The following ZYG11B variants were observed in gnomAD, a reference collection of about 807,000 sequenced individuals.
The protein encoded by ZYG11B is protein zyg-11 homolog B.
ZYG11B carries 36 observed loss-of-function variants against 82.4 expected under a neutral mutation model. The ratio of observed to expected loss-of-function variants is 0.44; its 90% CI spans 0.33 to 0.58. The LOEUF (loss-of-function observed/expected upper bound fraction) is 0.58. Ranked by LOEUF, ZYG11B falls within the 20% of genes least tolerant of loss-of-function variation. The pLI, the probability that ZYG11B is intolerant of heterozygous loss-of-function variation, is 0.02. For synonymous variants in ZYG11B, 303 were observed against 312.8 expected, an observed-to-expected ratio of 0.97 and a Z score of 0.33; for missense variants, 552 against 895.6, an observed-to-expected ratio of 0.62 and a Z score of 4.90.
intron 8 of ZYG11B, among the ~76,000 whole-genome samples, chr1:52,799,121 G>C (rs1326234302): frequency 6.6e-6 from 1 of 151,646 alleles, no homozygotes; most frequent in African/African-American, 2.4e-5. Flanking sequence ...ACCCATAACA[G>C]TGCAATAGAA....
intron 3 of ZYG11B, chr1:52,772,581 G>C (rs943915365): frequency 1.3e-6 from 2 of 1,572,800 alleles, no homozygotes; most frequent in South Asian, 2.2e-5. Context: ...CAACCAAGTG[G>C]GGAAGCTGCG....
chr1:52,755,134 T>G (rs1342343356), intron 1 of ZYG11B, among the ~76,000 whole-genome samples: 1 of 151,762 alleles, frequency 6.6e-6, no homozygotes, highest in East Asian at 1.9e-4. Context: ...CTAATTTTTT[T>G]GTATTTTTAG....
chr1:52,778,858 G>A (rs560418958), intron 3 of ZYG11B, among the ~76,000 whole-genome samples: 16 of 152,220 alleles, frequency 1.1e-4, no homozygotes, highest in Admixed American at 2.6e-4. Context: ...GAAAAGGAGC[G>A]TGATAAATCT....
intron 1 of ZYG11B, 76 bp from the exon 2 acceptor site, chr1:52,756,382 T>C: frequency 7.2e-7 from 1 of 1,391,242 alleles, no homozygotes; most frequent in Non-Finnish European, 1.0e-6. Flanking sequence ...AGTAAATGAA[T>C]GTTTTGTTCT....
chr1:52,817,380 G>T (rs1285024752), intron 13 of ZYG11B, among the ~76,000 whole-genome samples: 1 of 152,036 alleles, frequency 6.6e-6, no homozygotes, highest in Non-Finnish European at 1.5e-5. Flanking sequence ...TTCTTTGAAA[G>T]CTACGATGTA....
rs113681942 is a variant in ZYG11B at position 52,763,109 on chromosome 1, C to T, written c.196+6486C>T. ...GTCAAAAATCAGTTGATCGTAGATA[C>T]GTGAATTAATTTCTAGGGTTTCTCT... On this transcript the variant is annotated intron_variant, in intron 2 of 13. Coordinates refer to ENST00000294353, the MANE Select transcript of ZYG11B (RefSeq NM_024646.3). Among the ~76,000 whole-genome samples, 814 of 151,960 alleles carry T rather than the reference C, an allele frequency of 5.4e-3. 6 individuals are homozygous for T. Among genetic ancestry groups the T allele is most frequent in the African/African-American group, 0.019 (774 of 41,444 alleles).
intron 1 of ZYG11B, among the ~76,000 whole-genome samples, chr1:52,733,049 T>C (rs932138199): frequency 2.0e-5 from 3 of 152,198 alleles, no homozygotes; most frequent in Admixed American, 6.5e-5. Flanking sequence ...GAAGCAATTG[T>C]ATACAAAGAC....
intron 4 of ZYG11B, among the ~76,000 whole-genome samples, chr1:52,782,720 G>A (rs1644866749): frequency 6.6e-6 from 1 of 152,056 alleles, no homozygotes; most frequent in Non-Finnish European, 1.5e-5. Context: ...TAGGACTACA[G>A]GCCCATGCAA....
intron 1 of ZYG11B, among the ~76,000 whole-genome samples, chr1:52,738,985 C>CTTTTTTTTTTTTTTTTT (rs10643364): frequency 9.4e-6 from 1 of 106,280 alleles, no homozygotes; most frequent in Non-Finnish European, 1.7e-5. Context: ...GCCCTGTAAC[C>CTTTTTTTTTTTTTTTTT]TTTTTTTTTT....
chr1:52,751,742 T>C (rs1337109571), intron 1 of ZYG11B, among the ~76,000 whole-genome samples: 1 of 152,174 alleles, frequency 6.6e-6, no homozygotes, highest in Non-Finnish European at 1.5e-5. Context: ...TGTATGCTAA[T>C]GAGTTGACTG....
At chr1:52,783,778 A>T (rs1213717298) in intron 4 of ZYG11B, among the ~76,000 whole-genome samples, 1 of 139,516 alleles carries the variant, frequency 7.2e-6, no homozygotes, top group African/African-American at 2.9e-5. Context: ...GTGTACTACC[A>T]TGCCCAGCTT....
At chr1:52,767,859 A>T (rs1368284557) in intron 2 of ZYG11B, among the ~76,000 whole-genome samples, 1 of 152,170 alleles carries the variant, frequency 6.6e-6, no homozygotes, top group Non-Finnish European at 1.5e-5. Context: ...ACAGCACCCC[A>T]GCAGGGAAGC....
In ZYG11B at chr1:52,771,051, T is replaced by C; in HGVS notation, c.228T>C (p.Phe76=). The C allele has an allele frequency of 6.2e-7, 1 of 1,613,342 alleles. No individual in the cohort carries two copies. Among genetic ancestry groups the C allele is most frequent in the Non-Finnish European group, 8.5e-7 (1 of 1,179,376 alleles). ...TGAATGATGGAACTGTGGGTATTTTTAGGGGCAACCAGATGCGCTTAAAGC... is the reference window on the plus strand; with the variant it reads ...TGAATGATGGAACTGTGGGTATTTTCAGGGGCAACCAGATGCGCTTAAAGC... ...GLLNDGTVGI[F]RGNQMRLKRA... The change falls in exon 3 of 14, where the codon TTT becomes TTC. Residue 76 remains phenylalanine, a synonymous_variant. Transcript: ENST00000294353. The surrounding 1 kb of genome is among the most constrained non-coding windows in gnomAD (Gnocchi z 5.4).
chr1:52,818,226 A>T (rs1273348919), intron 13 of ZYG11B, among the ~76,000 whole-genome samples: 4 of 152,060 alleles, frequency 2.6e-5, no homozygotes, highest in African/African-American at 9.7e-5. Flanking sequence ...TAATCCCAGC[A>T]TTTTCTGAAG....
chr1:52,729,484 G>A (rs567354962), intron 1 of ZYG11B, among the ~76,000 whole-genome samples: 40 of 152,314 alleles, frequency 2.6e-4, no homozygotes, highest in African/African-American at 9.6e-4. Flanking sequence ...TTTGAGCTAG[G>A]AATTATCAGT....
At chr1:52,777,007 C>G (rs942303463) in intron 3 of ZYG11B, among the ~76,000 whole-genome samples, 1 of 151,878 alleles carries the variant, frequency 6.6e-6, no homozygotes, top group Non-Finnish European at 1.5e-5. Context: ...GTCAGGAGTT[C>G]GAGACCAGCC....
chr1:52,786,933 A>G (rs1223773941), intron 5 of ZYG11B, among the ~76,000 whole-genome samples: 1 of 151,924 alleles, frequency 6.6e-6, no homozygotes, highest in Non-Finnish European at 1.5e-5. Context: ...CCTACTAAAA[A>G]TACAATATTA....
intron 3 of ZYG11B, among the ~76,000 whole-genome samples, chr1:52,776,998 T>G (rs186407785): frequency 6.6e-6 from 1 of 152,106 alleles, no homozygotes; most frequent in East Asian, 1.9e-4. Context: ...TCATTTGAGG[T>G]CAGGAGTTCG....
intron 13 of ZYG11B, 91 bp downstream of exon 13, chr1:52,816,720 G>T: frequency 6.2e-6 from 5 of 806,968 alleles, no homozygotes; most frequent in East Asian, 3.4e-5. Context: ...GTATTAAAGT[G>T]ATTTTTAAGA....
Sources: allele counts gnomAD v4.1 joint callset (sites outside exome capture counted in the v4.1 genomes callset), GRCh38; gene constraint gnomAD v4.1.1; non-coding constraint Gnocchi (gnomAD v3.1); transcripts MANE v1.5; gene names NCBI Gene and HGNC (gene_info 2026-07-23, HGNC 2026-07-21).